The following ARAP1 variants were observed in gnomAD, a reference collection of about 807,000 sequenced individuals.
ARAP1 encodes ArfGAP with RhoGAP domain, ankyrin repeat and PH domain 1.
A neutral mutation model predicts 172.2 loss-of-function variants in ARAP1; 76 were observed. The ratio of observed to expected loss-of-function variants is 0.44; its 90% CI spans 0.37 to 0.53. The LOEUF (loss-of-function observed/expected upper bound fraction) is 0.53. ARAP1 is among the 20% of genes least tolerant of loss of function. The pLI, the probability that ARAP1 is intolerant of heterozygous loss-of-function variation, is 0.00. For synonymous variants in ARAP1, 804 were observed against 803.3 expected, an observed-to-expected ratio of 1.00 and a Z score of -0.01; for missense variants, 1,686 against 1,977.5, an observed-to-expected ratio of 0.85 and a Z score of 2.80.
intron 3 of ARAP1, among the ~76,000 whole-genome samples, chr11:72,716,913 C>T (rs965851661): frequency 3.3e-5 from 5 of 152,264 alleles, no homozygotes; most frequent in East Asian, 1.9e-4. Flanking sequence ...AGTCTTGAGT[C>T]GGAACGTACT....
intron 1 of ARAP1, among the ~76,000 whole-genome samples, chr11:72,745,199 T>C (rs1000899249): frequency 2.8e-5 from 4 of 143,134 alleles, no homozygotes; most frequent in Admixed American, 2.8e-4. Context: ...TTTTTTTTTT[T>C]TTTTTTTGAG....
At chr11:72,691,936 C>T (rs758730099) in intron 30 of ARAP1, among the ~76,000 whole-genome samples, 2 of 152,164 alleles carry the variant, frequency 1.3e-5, no homozygotes, top group Admixed American at 6.5e-5. Flanking sequence ...AGATCCCTCG[C>T]TTGCACAGTT....
chr11:72,688,786 A>C (rs1470070746), intron 30 of ARAP1: 2 of 462,758 alleles, frequency 4.3e-6, no homozygotes, highest in African/African-American at 4.0e-5. Flanking sequence ...TCAGTCTCCG[A>C]GGCAGCCGTC....
chr11:72,712,790 C>A, intron 5 of ARAP1: 1 of 667,558 alleles, frequency 1.5e-6, no homozygotes, highest in Non-Finnish European at 2.5e-6. Context: ...AGGACACAGA[C>A]AAAAACAGAA....
chr11:72,687,444 C>G lies in ARAP1; in HGVS notation c.4180G>C (p.Val1394Leu). Residue 1394 changes from valine (V) to leucine (L), a missense_variant, in exon 33 of 35, where the codon GTG becomes CTG. Physicochemically the swap from Val to Leu is conservative, Grantham distance 32. Around this residue, in one of 5 missense-constraint regions of ARAP1, gnomAD observed 379 missense variants for 500.1 expected, o/e 0.76. Coordinates refer to ENST00000393609, the MANE Select transcript of ARAP1 (RefSeq NM_001040118.3). Reference protein sequence around the residue: ...LREWFATFLFVQHDGLVWPSE... With the variant: ...LREWFATFLFLQHDGLVWPSE... ...CCACACTCTGCACCTGGTACCTGCA[C>G]AAACAGAAAGGTAGCGAACCACTCC... 8 of 1,614,208 alleles carry G rather than the reference C, an allele frequency of 5.0e-6. No homozygotes were observed. The highest frequency in any genetic ancestry group is 6.8e-6 in the Non-Finnish European group (8 of 1,180,030).
In ARAP1 at chr11:72,712,316, A is replaced by G; in HGVS notation, c.902T>C (p.Leu301Pro). Reference sequence around the variant, plus strand: ...TATTGTGCTGGGCAAGGACAAGCTCAGGCTGCTGGTATGCCATCCGCCACT... The same window carrying G: ...TATTGTGCTGGGCAAGGACAAGCTCGGGCTGCTGGTATGCCATCCGCCACT... The part of the protein sequence containing the change: ...VPNGGWHTSS[L>P]SLSLPSTIAA... Residue 301 changes from leucine to proline, a missense_variant, in exon 7 of 35, where the codon CTG (leucine) becomes CCG (proline). By Grantham distance (98) the Leu-to-Pro change is moderately conservative. Transcript: ENST00000393609. The G allele has an allele frequency of 1.9e-6, 3 of 1,562,102 alleles. No individual in the cohort carries two copies. The highest frequency in any genetic ancestry group is 2.6e-6 in the Non-Finnish European group (3 of 1,149,478).
At chr11:72,698,211 C>T in intron 18 of ARAP1, 105 bp from the exon 19 acceptor site, 3 of 1,340,416 alleles carry the variant, frequency 2.2e-6, no homozygotes, top group Non-Finnish European at 2.0e-6. Flanking sequence ...CACCCAGCTG[C>T]CTTCTCTTCT....
chr11:72,710,684 G>A lies in ARAP1; in HGVS notation c.1214-97C>T. ...CCTCATGCAACACCTCCTCCAGAAA[G>A]CCCACTCAGATGCCCCCATCATTTT... On this transcript the variant is annotated intron_variant, in intron 9 of 34. Transcript: ENST00000393609. The surrounding 1 kb of genome is among the most constrained non-coding windows in gnomAD (Gnocchi z 4.3). 7.7e-7 allele frequency: 1 copy of A among 1,296,208 alleles called. No individual in the cohort carries two copies. The highest frequency in any genetic ancestry group is 1.5e-5 in the South Asian group (1 of 67,852). 80.3% of individuals were successfully genotyped at this position (1,296,208 alleles called of 1,614,324 possible).
intron 14 of ARAP1, chr11:72,703,408 C>CGGGGGG (rs56850317): frequency 5.0e-4 from 57 of 114,852 alleles, no homozygotes; most frequent in African/African-American, 1.4e-3. Context: ...GTGGAGGAGC[C>CGGGGGG]GGGGGGGGGG....
chr11:72,703,173 T>G (rs1856576549), intron 14 of ARAP1, 94 bp from the exon 15 acceptor site: 36 of 1,191,142 alleles, frequency 3.0e-5, no homozygotes, highest in Non-Finnish European at 3.3e-5. Context: ...AAGGAAGGAG[T>G]CACCCAGGCC....
At chr11:72,712,130 G>T in intron 7 of ARAP1, 66 bp downstream of exon 7, 1 of 1,485,264 alleles carries the variant, frequency 6.7e-7, no homozygotes, top group Non-Finnish European at 8.9e-7. Context: ...CAGTGTCCTG[G>T]GGTCCTGGAC....
chr11:72,722,441 T>G (rs1478890263), intron 3 of ARAP1: 1 of 799,826 alleles, frequency 1.3e-6, no homozygotes, highest in Non-Finnish European at 1.5e-6. Flanking sequence ...CAACCAACAG[T>G]GTCCACTGAT....
In ARAP1 at chr11:72,709,991, G is replaced by C; in HGVS notation, c.1417-15C>G. The C allele has an allele frequency of 1.2e-6, 2 of 1,608,804 alleles. No homozygotes were observed. The highest frequency in any genetic ancestry group is 1.7e-6 in the Non-Finnish European group (2 of 1,175,316). On this transcript the variant is annotated splice_polypyrimidine_tract_variant and intron_variant, in intron 10 of 34. Transcript: ENST00000393609. ...AGGTGGTACTCCTGGAGGGCAGATG[G>C]GACGGGATGAGGGCAAGGCTTTGGG...
At chr11:72,737,913 C>T (rs1418418061) in intron 1 of ARAP1, among the ~76,000 whole-genome samples, 3 of 152,186 alleles carry the variant, frequency 2.0e-5, no homozygotes, top group Non-Finnish European at 2.9e-5. Context: ...CGTGAGCCAC[C>T]GCACCCAGTC....
At position 72,710,076 on chromosome 11, in the gene ARAP1, G is replaced by T; in HGVS notation, c.1417-100C>A. On this transcript the variant is annotated intron_variant, in intron 10 of 34. Transcript: ENST00000393609. This position sits in a 1 kb window ranked among gnomAD's most constrained non-coding sequence, Gnocchi z 4.3. ...GGAAGGTGGTGCAACTCAGGGACTG[G>T]GGGGGGTGCCCAGGAGGGAGACAGC... 3.6e-6 allele frequency: 4 copies of T among 1,104,252 alleles called. No individual in the cohort carries two copies. Among genetic ancestry groups the T allele is most frequent in the East Asian group, 2.4e-5 (1 of 41,628 alleles). 68.4% of individuals were successfully genotyped at this position (1,104,252 alleles called of 1,614,324 possible).
chr11:72,696,588 T>C lies in ARAP1; in HGVS notation c.3233A>G (p.Asn1078Ser). The change falls in exon 23 of 35, where the codon AAC becomes AGC. Residue 1078 changes from asparagine (N) to serine (S), a missense_variant. By Grantham distance (46) the Asn-to-Ser change is conservative. Around this residue, in one of 5 missense-constraint regions of ARAP1, gnomAD observed 274 missense variants for 262.7 expected, o/e 1.04. Transcript: ENST00000393609. ...RELLVRLPPV[N>S]RATVKALISH... Reference sequence around the variant, plus strand: ...GATAAGGGCCTTCACTGTGGCCCGGTTGACAGGGGGCAGCCGCACCAGCAG... The same window carrying C: ...GATAAGGGCCTTCACTGTGGCCCGGCTGACAGGGGGCAGCCGCACCAGCAG... The C allele has an allele frequency of 4.4e-6, 7 of 1,603,610 alleles. No individual in the cohort carries two copies. The highest frequency in any genetic ancestry group is 3.3e-5 in the South Asian group (3 of 90,306).
chr11:72,721,461 G>T (rs1401624951), intron 3 of ARAP1, among the ~76,000 whole-genome samples: 1 of 145,072 alleles, frequency 6.9e-6, no homozygotes, highest in African/African-American at 2.6e-5. Context: ...TAGGGAGGTG[G>T]GAGCAGAGAA....
chr11:72,726,977 A>AT lies in ARAP1; in HGVS notation c.151dup (p.Met51AsnfsTer59). 6.2e-7 allele frequency: 1 copy of AT among 1,604,486 alleles called. No homozygotes were observed. The highest frequency in any genetic ancestry group is 1.3e-5 in the African/African-American group (1 of 74,850). On this transcript the variant is annotated frameshift_variant, in exon 3 of 35. Coordinates refer to ENST00000393609, the MANE Select transcript of ARAP1 (RefSeq NM_001040118.3). LOFTEE classifies it high-confidence loss of function. This position sits in a 1 kb window ranked among gnomAD's most constrained non-coding sequence, Gnocchi z 6.5. ...GCGGCGGCGGTGACCAGGGAGTAGC[A>AT]TGCCCATGTCCATCAGGCGGGTGTC...
At chr11:72,745,739 T>C (rs112422544) in intron 1 of ARAP1, among the ~76,000 whole-genome samples, 18 of 152,232 alleles carry the variant, frequency 1.2e-4, no homozygotes, top group African/African-American at 4.3e-4. Context: ...GTGTCATGTC[T>C]CAAAGGTGGA....
Sources: allele counts gnomAD v4.1 joint callset (sites outside exome capture counted in the v4.1 genomes callset), GRCh38; gene constraint gnomAD v4.1.1; regional missense constraint gnomAD v4.1.1; non-coding constraint Gnocchi (gnomAD v3.1); transcripts MANE v1.5; gene names NCBI Gene and HGNC (gene_info 2026-07-23, HGNC 2026-07-21).